CERS6: variants seen among roughly 807,000 people sequenced by gnomAD.
The protein encoded by CERS6 is LAG1 homolog, ceramide synthase 6.
CERS6 carries 26 observed loss-of-function variants against 56.8 expected under a neutral mutation model. The observed-to-expected ratio is 0.46, with a 90% CI of 0.34 to 0.63. The LOEUF is 0.63. CERS6 is among the 30% of genes least tolerant of loss of function. The pLI is 0.01. For missense variants in CERS6, 415 were observed against 467.5 expected, an observed-to-expected ratio of 0.89 and a Z score of 1.04; for synonymous variants, 164 against 173.3, an observed-to-expected ratio of 0.95 and a Z score of 0.42.
intron 8 of CERS6, among the ~76,000 whole-genome samples, chr2:168,737,480 G>C (rs1484125342): frequency 1.3e-5 from 2 of 152,168 alleles, no homozygotes; most frequent in African/African-American, 4.8e-5. Context: ...AAATTCATTA[G>C]GGGTGATGTG....
At chr2:168,609,788 C>T (rs571997448) in intron 3 of CERS6, among the ~76,000 whole-genome samples, 5 of 152,226 alleles carry the variant, frequency 3.3e-5, no homozygotes, top group South Asian at 2.1e-4. Flanking sequence ...CTTTCCTTGC[C>T]GCTTACCCAG....
chr2:168,546,312 C>G (rs1695464657), intron 1 of CERS6, among the ~76,000 whole-genome samples: 1 of 152,158 alleles, frequency 6.6e-6, no homozygotes, highest in African/African-American at 2.4e-5. Context: ...ACTCCAGTTT[C>G]TAGAGGATTT....
chr2:168,501,719 A>G (rs1029909738), intron 1 of CERS6, among the ~76,000 whole-genome samples: 2 of 152,200 alleles, frequency 1.3e-5, no homozygotes, highest in Non-Finnish European at 2.9e-5. Flanking sequence ...AATCTGCTCA[A>G]CTAGCCCAGA....
At chr2:168,491,470 G>A (rs1694371424) in intron 1 of CERS6, among the ~76,000 whole-genome samples, 1 of 151,084 alleles carries the variant, frequency 6.6e-6, no homozygotes, top group Admixed American at 6.6e-5. Flanking sequence ...TGTGCTATTT[G>A]TTCTTTTCTA....
chr2:168,564,392 TG>T (rs1695847257), intron 3 of CERS6, among the ~76,000 whole-genome samples: 1 of 152,228 alleles, frequency 6.6e-6, no homozygotes, highest in Non-Finnish European at 1.5e-5. Flanking sequence ...TGCTTTCATA[TG>T]TCTCCTTATT....
At chr2:168,728,080 CTGTT>C (rs1683401217) in intron 8 of CERS6, among the ~76,000 whole-genome samples, 1 of 152,178 alleles carries the variant, frequency 6.6e-6, no homozygotes, top group Admixed American at 6.5e-5. Flanking sequence ...AGCCCACTGT[CTGTT>C]TGTATCAGTA....
chr2:168,494,272 G>C (rs202012171), intron 1 of CERS6, among the ~76,000 whole-genome samples: 1 of 152,180 alleles, frequency 6.6e-6, no homozygotes, highest in East Asian at 1.9e-4. Flanking sequence ...TAGATTCCCA[G>C]TGCTTAGCTC....
At chr2:168,686,710 C>T (rs140750275) in intron 4 of CERS6, among the ~76,000 whole-genome samples, 1 of 152,124 alleles carries the variant, frequency 6.6e-6, no homozygotes, top group South Asian at 2.1e-4. Flanking sequence ...GCGGAAGGCA[C>T]AGTGGAAGAG....
chr2:168,638,256 G>T (rs1206539033), intron 4 of CERS6, among the ~76,000 whole-genome samples: 1 of 151,982 alleles, frequency 6.6e-6, no homozygotes, highest in African/African-American at 2.4e-5. Context: ...ACACAAGTTG[G>T]TATCATTCCA....
Position 168,476,799 on chromosome 2 carries a change from A to G in CERS6, c.170+20181A>G, listed in dbSNP as rs376447327. Among the ~76,000 whole-genome samples, 41 of 152,196 alleles carry G rather than the reference A, an allele frequency of 2.7e-4. No homozygotes were observed. In the East Asian group the frequency reaches 5.6e-3, roughly 21 times the overall value. ...TTTTTTCTATCCAAGACCCCAGGCAATTGGATAGTGTCTGCCCATATTGAG... is the reference window on the plus strand; with the variant it reads ...TTTTTTCTATCCAAGACCCCAGGCAGTTGGATAGTGTCTGCCCATATTGAG... On this transcript the variant is annotated intron_variant, in intron 1 of 9. Transcript: ENST00000305747.
intron 1 of CERS6, among the ~76,000 whole-genome samples, chr2:168,473,403 A>G (rs1343318679): frequency 6.6e-6 from 1 of 152,146 alleles, no homozygotes; most frequent in African/African-American, 2.4e-5. Flanking sequence ...GCACAACAAC[A>G]TTCTTCCAAA....
intron 8 of CERS6, among the ~76,000 whole-genome samples, chr2:168,731,816 C>T (rs1390507394): frequency 6.6e-6 from 1 of 152,166 alleles, no homozygotes; most frequent in East Asian, 1.9e-4. Flanking sequence ...CTTGTCTCTT[C>T]AGTGAATTCA....
intron 4 of CERS6, among the ~76,000 whole-genome samples, chr2:168,650,385 T>C (rs951682860): frequency 6.6e-6 from 1 of 152,172 alleles, no homozygotes; most frequent in African/African-American, 2.4e-5. Context: ...CAGCACATCA[T>C]TGACAGAGCT....
chr2:168,632,391 C>T (rs1330173226), intron 4 of CERS6, among the ~76,000 whole-genome samples: 3 of 151,870 alleles, frequency 2.0e-5, no homozygotes, highest in Admixed American at 6.6e-5. Context: ...AAATATTGTC[C>T]GCCTGTGGTG....
chr2:168,602,960 A>T (rs1182257392), intron 3 of CERS6, among the ~76,000 whole-genome samples: 1 of 152,232 alleles, frequency 6.6e-6, no homozygotes, highest in East Asian at 1.9e-4. Flanking sequence ...TGTTCCATGA[A>T]CTTAACATTT....
intron 1 of CERS6, among the ~76,000 whole-genome samples, chr2:168,515,787 T>G (rs1024591785): frequency 6.6e-6 from 1 of 152,236 alleles, no homozygotes; most frequent in African/African-American, 2.4e-5. Context: ...AGAGAATCTG[T>G]AACGAGGCAA....
chr2:168,650,036 T>C (rs1477743239), intron 4 of CERS6, among the ~76,000 whole-genome samples: 2 of 151,920 alleles, frequency 1.3e-5, no homozygotes, highest in East Asian at 3.8e-4. Context: ...ATTTAACAAA[T>C]AGGGGAAAAA....
intron 3 of CERS6, among the ~76,000 whole-genome samples, chr2:168,583,354 A>C (rs2105397863): frequency 6.6e-6 from 1 of 152,302 alleles, no homozygotes; most frequent in South Asian, 2.1e-4. Context: ...TGAGAGAAGA[A>C]GACACTTCAG....
At position 168,705,673 on chromosome 2, in the gene CERS6, G is replaced by A. The variant is rs183020078; in HGVS notation, c.610-9328G>A. On this transcript the variant is annotated intron_variant, in intron 6 of 9. Coordinates refer to ENST00000305747, the MANE Select transcript of CERS6 (RefSeq NM_203463.3). ...TCCCTGGTTACCCATTGTCAATTTA[G>A]GCCTCAAGACCTTTATAGTAAATGG... Among the ~76,000 whole-genome samples the A allele has an allele frequency of 2.2e-3, 331 of 152,214 alleles. 2 individuals carry two copies. Among genetic ancestry groups the A allele is most frequent in the African/African-American group, 7.5e-3 (311 of 41,538 alleles).
Sources: gnomAD v4.1 joint callset for allele counts (sites outside exome capture counted in the v4.1 genomes callset) on GRCh38, gnomAD v4.1.1 for gene constraint, MANE v1.5 for transcripts, NCBI Gene and HGNC (gene_info 2026-07-23, HGNC 2026-07-21) for gene names.